CRB2: variants seen among roughly 807,000 people sequenced by gnomAD.
The protein encoded by CRB2 is protein crumbs homolog 2.
CRB2 carries 85 observed loss-of-function variants against 110.9 expected under a neutral mutation model. The observed-to-expected ratio is 0.77, with a 90% CI of 0.64 to 0.92. The LOEUF (loss-of-function observed/expected upper bound fraction) is 0.92, where lower values mean the gene tolerates loss of function less well. Among genes scored for constraint, CRB2 ranks in the 40% least tolerant of loss-of-function variants. CRB2 has a pLI of 0.00. For missense variants in CRB2, 1,843 were observed against 1,851.3 expected, an observed-to-expected ratio of 1.00 and a Z score of 0.08; for synonymous variants, 907 against 831.0, an observed-to-expected ratio of 1.09 and a Z score of -1.57.
At chr9:123,361,144 G>A (rs1299487246) in intron 1 of CRB2, among the ~76,000 whole-genome samples, 1 of 151,754 alleles carries the variant, frequency 6.6e-6, no homozygotes, top group Admixed American at 6.6e-5. Flanking sequence ...GGGAGGGGGG[G>A]GGGTTCCTTG....
chr9:123,373,597 G>T lies in CRB2; in HGVS notation c.3066G>T (p.Leu1022=), dbSNP rs2042052672. 1 of 1,397,986 alleles carries T rather than the reference G, an allele frequency of 7.2e-7. No homozygotes were observed. The highest frequency in any genetic ancestry group is 9.2e-7 in the Non-Finnish European group (1 of 1,081,218). 86.6% of individuals were successfully genotyped at this position (1,397,986 alleles called of 1,614,324 possible). A position where few individuals can be genotyped will look rare whatever the true frequency, so the allele number is the denominator to read the frequency against. ...GCLGRVALGG[L]PLPLARPRPG... is the part of the protein sequence containing the mutation. ...TGGGCCGCGTGGCGCTGGGCGGCCT[G>T]CCCCTGCCCTTGGCGCGGCCCCGGC... is the stretch of plus-strand genomic sequence containing the variant. Residue 1022 remains leucine, a synonymous_variant, in exon 10 of 13, where the codon CTG becomes CTT. Coordinates refer to ENST00000373631, the MANE Select transcript of CRB2 (RefSeq NM_173689.7).
chr9:123,376,902 G>A lies in CRB2; in HGVS notation c.3698G>A (p.Cys1233Tyr). The part of the protein sequence containing the change: ...LEVAVPAACA[C>Y]LLLLLLGLLS... ...GTGGCCGTACCTGCAGCCTGTGCCT[G>A]CCTCCTCCTCCTCCTCCTGGGCCTC... Residue 1233 changes from cysteine (C) to tyrosine (Y), a missense_variant, in exon 13 of 13, where the codon TGC becomes TAC. Coordinates refer to ENST00000373631, the MANE Select transcript of CRB2 (RefSeq NM_173689.7). The A allele has an allele frequency of 6.2e-7, 1 of 1,609,002 alleles. No individual in the cohort carries two copies.
intron 1 of CRB2, among the ~76,000 whole-genome samples, chr9:123,361,436 C>T (rs2041867894): frequency 6.6e-6 from 1 of 152,168 alleles, no homozygotes; most frequent in African/African-American, 2.4e-5. Context: ...CGGGTCAGGC[C>T]ACAGGACAGC....
At chr9:123,354,300 C>A (rs1338193281), upstream of CRB2, among the ~76,000 whole-genome samples, 1 of 152,214 alleles carries the variant, frequency 6.6e-6, no homozygotes, top group African/African-American at 2.4e-5. Flanking sequence ...ACTGGACCTG[C>A]GCCGGGTGAC....
At position 123,356,274 on chromosome 9, in the gene CRB2, G is replaced by T; in HGVS notation, c.14G>T (p.Arg5Met). 1 of 1,534,740 alleles carries T rather than the reference G, an allele frequency of 6.5e-7. No homozygotes were observed. Among genetic ancestry groups the T allele is most frequent in the Non-Finnish European group, 8.8e-7 (1 of 1,142,652 alleles). The change falls in exon 1 of 13, where the codon AGG becomes ATG. Residue 5 changes from arginine (R) to methionine (M), a missense_variant. By Grantham distance (91) the Arg-to-Met change is moderately conservative. Coordinates refer to ENST00000373631, the MANE Select transcript of CRB2 (RefSeq NM_173689.7). The stretch of plus-strand genomic sequence containing the variant: ...GAGCGGGCTGCCATGGCGCTGGCCA[G>T]GCCTGGGACCCCGGACCCCCAGGCC... Reference protein sequence around the residue: MALARPGTPDPQALA... With the variant: MALAMPGTPDPQALA...
Position 123,371,052 on chromosome 9 carries a change from C to A in CRB2, c.1928-18C>A. 6.2e-7 allele frequency: 1 copy of A among 1,605,404 alleles called. No individual in the cohort carries two copies. Among genetic ancestry groups the A allele is most frequent in the South Asian group, 1.1e-5 (1 of 89,832 alleles). On this transcript the variant is annotated intron_variant, in intron 7 of 12. Transcript: ENST00000373631. The stretch of plus-strand genomic sequence containing the variant: ...CTCAGCCTGCAGGCCTCACACCTGG[C>A]ACCTTCTCTCCCTGCAGAGATTCCT...
At position 123,374,636 on chromosome 9, in the gene CRB2, A is replaced by C. The variant is rs1159126835; in HGVS notation, c.3447A>C (p.Pro1149=). Residue 1149 remains proline, a synonymous_variant, in exon 11 of 13, where the codon CCA becomes CCC. Coordinates refer to ENST00000373631, the MANE Select transcript of CRB2 (RefSeq NM_173689.7). ...ATGTCACCTGCCTCGATGGCAGCCC[A>C]TGTGAGGGTGGCTCTCCCGCTGCCA... The part of the protein sequence containing the change: ...SLNVTCLDGS[P]CEGGSPAANC... The C allele has an allele frequency of 3.0e-5, 49 of 1,613,168 alleles. No homozygotes were observed. Among genetic ancestry groups the C allele is most frequent in the Non-Finnish European group, 4.0e-5 (47 of 1,179,952 alleles).
chr9:123,361,142 G>GGGGGGGGGGGGGC (rs1554781934), intron 1 of CRB2, among the ~76,000 whole-genome samples: 1 of 150,458 alleles, frequency 6.6e-6, no homozygotes, highest in South Asian at 2.1e-4. Flanking sequence ...CGGGGAGGGG[G>GGGGGGGGGGGGGC]GGGGGTTCCT....
rs755149340 is a variant in CRB2 at position 123,370,681 on chromosome 9, G to A, written c.1628G>A (p.Arg543Gln). 49 of 1,605,712 alleles carry A rather than the reference G, an allele frequency of 3.1e-5. 1 individual carries two copies. In the South Asian group the frequency reaches 4.1e-4, roughly 13 times the overall value. ...CTCTGGCATGAGGGCTGCCCTGCCC[G>A]GCTCTGTGTGGCCTCTGGTCCTGTG... ...LRLWHEGCPA[R>Q]LCVASGPVAL... Residue 543 changes from arginine (R) to glutamine (Q), a missense_variant, in exon 7 of 13, where the codon CGG becomes CAG. Transcript: ENST00000373631.
rs746687862 is a variant in CRB2, at chr9:123,373,592, G to A, written c.3061G>A (p.Gly1021Ser). Residue 1021 changes from glycine (G) to serine (S), a missense_variant, in exon 10 of 13, where the codon GGC becomes AGC. By Grantham distance (56) the Gly-to-Ser change is moderately conservative. Transcript: ENST00000373631. ...TGCLGRVALG[G>S]LPLPLARPRP... ...CTGCTTGGGCCGCGTGGCGCTGGGC[G>A]GCCTGCCCCTGCCCTTGGCGCGGCC... The A allele has an allele frequency of 1.4e-6, 2 of 1,431,746 alleles. No homozygotes were observed. Among genetic ancestry groups the A allele is most frequent in the Admixed American group, 5.1e-5 (2 of 39,036 alleles). 88.7% of individuals were successfully genotyped at this position (1,431,746 alleles called of 1,614,324 possible). A position where few individuals can be genotyped will look rare whatever the true frequency, so the allele number is the denominator to read the frequency against.
chr9:123,369,805 G>A (rs536413277), intron 6 of CRB2, among the ~76,000 whole-genome samples: 2 of 152,328 alleles, frequency 1.3e-5, no homozygotes, highest in African/African-American at 4.8e-5. Flanking sequence ...GGCGAACTGG[G>A]GGATGCGGGA....
chr9:123,369,741 GA>G (rs1243215585), intron 6 of CRB2, among the ~76,000 whole-genome samples: 1 of 152,184 alleles, frequency 6.6e-6, no homozygotes, highest in Non-Finnish European at 1.5e-5. Flanking sequence ...CGATGCTTTA[GA>G]AATGGACCTC....
At chr9:123,375,753 G>T (rs1276651573) in intron 12 of CRB2, among the ~76,000 whole-genome samples, 1 of 152,216 alleles carries the variant, frequency 6.6e-6, no homozygotes, top group Non-Finnish European at 1.5e-5. Flanking sequence ...ACACGGAGGG[G>T]CAGGGGGCCT....
At chr9:123,372,741 A>AG (rs2042034651) in intron 9 of CRB2, among the ~76,000 whole-genome samples, 1 of 152,158 alleles carries the variant, frequency 6.6e-6, no homozygotes, top group Non-Finnish European at 1.5e-5. Flanking sequence ...TTTAAACAGG[A>AG]GAGGGGCATG....
At position 123,378,666 on chromosome 9, in the gene CRB2, A is replaced by C. The variant is rs2042144517; in HGVS notation, c.*1604A>C. ...GGAGGAGGCGGCTGGTTCCAGGGTC[A>C]GTTTACTAAGTTAGAGATTTGGAAA... is the stretch of plus-strand genomic sequence containing the variant. On this transcript the variant is annotated 3_prime_UTR_variant, in exon 13 of 13. Coordinates refer to ENST00000373631, the MANE Select transcript of CRB2 (RefSeq NM_173689.7). 6.6e-6 allele frequency: 1 copy of C among 152,188 alleles called. No individual in the cohort carries two copies. The highest frequency in any genetic ancestry group is 1.9e-4 in the East Asian group (1 of 5,196). The allele number at this position is 152,188 out of a possible 1,614,324, so 9.4% of individuals were successfully genotyped here.
In CRB2 at chr9:123,371,579, G is replaced by T. The variant is rs748941174; in HGVS notation, c.2436+1G>T. The T allele has an allele frequency of 6.2e-7, 1 of 1,612,488 alleles. No homozygotes were observed. Among genetic ancestry groups the T allele is most frequent in the East Asian group, 2.2e-5 (1 of 44,886 alleles). ...CTGCGTCTCCGAGGACATGTGCAGT[G>T]TAAGTGTCTGGTGGCGGTGGTGGTG... is the stretch of plus-strand genomic sequence containing the variant. On this transcript the variant is annotated splice_donor_variant, in intron 8 of 12. Transcript: ENST00000373631. LOFTEE classifies it high-confidence loss of function.
Position 123,373,705 on chromosome 9 carries a change from C to G in CRB2, c.3174C>G (p.Pro1058=), listed in dbSNP as rs373493381. 4.6e-5 allele frequency: 69 copies of G among 1,508,980 alleles called. 1 individual carries two copies. In the East Asian group the frequency reaches 8.3e-4, roughly 18 times the overall value. 93.5% of individuals were successfully genotyped at this position (1,508,980 alleles called of 1,614,324 possible). Residue 1058 remains proline (P), a synonymous_variant, in exon 10 of 13, where the codon CCC becomes CCG. Coordinates refer to ENST00000373631, the MANE Select transcript of CRB2 (RefSeq NM_173689.7). Reference sequence around the variant, plus strand: ...CGATCCTCGGCTGCCGCGGCGCGCCCGTGTGTGCGCCCTCGCCCTGTCTGC... The same window carrying G: ...CGATCCTCGGCTGCCGCGGCGCGCCGGTGTGTGCGCCCTCGCCCTGTCTGC... ...PAPILGCRGA[P]VCAPSPCLHD... is the part of the protein sequence containing the mutation.
chr9:123,374,060 T>A, intron 10 of CRB2, 140 bp downstream of exon 10: 2 of 1,090,320 alleles, frequency 1.8e-6, no homozygotes, highest in Non-Finnish European at 2.7e-6. Context: ...GAGGACAGTT[T>A]AATTTGATAA....
rs1219352048 is a variant in CRB2 at position 123,371,189 on chromosome 9, G to A, written c.2047G>A (p.Gly683Ser). Residue 683 changes from glycine (G) to serine (S), a missense_variant, in exon 8 of 13, where the codon GGC becomes AGC. Coordinates refer to ENST00000373631, the MANE Select transcript of CRB2 (RefSeq NM_173689.7). ...CCTTCTCCGCACTCGGGAGTCCGCTGGCCTGTTGCTCCAGTTTGCCAATGA... is the reference window on the plus strand; with the variant it reads ...CCTTCTCCGCACTCGGGAGTCCGCTAGCCTGTTGCTCCAGTTTGCCAATGA... The part of the protein sequence containing the change: ...SFLLRTRESA[G>S]LLLQFANDSA... 2 of 1,613,878 alleles carry A rather than the reference G, an allele frequency of 1.2e-6. No homozygotes were observed. The highest frequency in any genetic ancestry group is 1.7e-5 in the Admixed American group (1 of 60,034).
Sources: gnomAD v4.1 joint callset for allele counts (sites outside exome capture counted in the v4.1 genomes callset) on GRCh38, gnomAD v4.1.1 for gene constraint, MANE v1.5 for transcripts, NCBI Gene and HGNC (gene_info 2026-07-23, HGNC 2026-07-21) for gene names.